FCRL5: variants seen among roughly 807,000 people sequenced by gnomAD.
The protein encoded by FCRL5 is Fc receptor like 5.
Under a neutral mutation model 92.1 loss-of-function variants are expected in FCRL5, and 79 were observed. That is an observed-to-expected ratio of 0.86 (90% CI 0.72 to 1.03). FCRL5 has a LOEUF of 1.03. FCRL5 is among the 50% of genes least tolerant of loss of function. The pLI, the probability that FCRL5 is intolerant of heterozygous loss-of-function variation, is 0.00. For missense variants in FCRL5, 1,160 were observed against 1,181.1 expected, an observed-to-expected ratio of 0.98 and a Z score of 0.26; for synonymous variants, 466 against 469.3, an observed-to-expected ratio of 0.99 and a Z score of 0.09.
intron 7 of FCRL5, among the ~76,000 whole-genome samples, chr1:157,535,282 A>G (rs1038108331): frequency 1.2e-4 from 18 of 152,218 alleles, no homozygotes; most frequent in African/African-American, 4.1e-4. Flanking sequence ...GGCCTGCCCA[A>G]GGGGGATTTT....
chr1:157,521,180 G>A lies in FCRL5; in HGVS notation c.2352C>T (p.Tyr784=), dbSNP rs1436105612. Residue 784 remains tyrosine (Y), a synonymous_variant, in exon 11 of 17, where the codon TAC becomes TAT. Transcript: ENST00000361835. ...GGGTGACATCCTCATGAAAAAACCGGTACAGGATCAGGGGAGAGCCTCTCA... is the reference window on the plus strand; with the variant it reads ...GGGTGACATCCTCATGAAAAAACCGATACAGGATCAGGGGAGAGCCTCTCA... ...EALRGSPLIL[Y]RFFHEDVTLG... 2.5e-6 allele frequency: 4 copies of A among 1,614,146 alleles called. No homozygotes were observed. The South Asian group carries it at 3.3e-5, about 13-fold the overall frequency.
rs766185827 is a variant in FCRL5, at chr1:157,534,799, C to T, written c.1496G>A (p.Gly499Asp). ...AAACTGGTATAGGATTTGTGGGGAACCTCTCTGGACTTCACAGTGAAGTGT... is the reference window on the plus strand; with the variant it reads ...AAACTGGTATAGGATTTGTGGGGAATCTCTCTGGACTTCACAGTGAAGTGT... ...TVTLHCEVQR[G>D]SPQILYQFYH... is the part of the protein sequence containing the mutation. The change falls in exon 8 of 17, where the codon GGT becomes GAT. Residue 499 changes from glycine (G) to aspartate (D), a missense_variant. Gly to Asp is a moderately conservative substitution (Grantham distance 94). Coordinates refer to ENST00000361835, the MANE Select transcript of FCRL5 (RefSeq NM_031281.3). The T allele has an allele frequency of 9.3e-6, 15 of 1,611,962 alleles. No homozygotes were observed. Among genetic ancestry groups the T allele is most frequent in the Non-Finnish European group, 1.3e-5 (15 of 1,178,942 alleles).
Position 157,543,135 on chromosome 1 carries a change from G to GAT in FCRL5, c.846_847insAT (p.Pro283IlefsTer16). On this transcript the variant is annotated frameshift_variant and splice_region_variant, in exon 6 of 17. Coordinates refer to ENST00000361835, the MANE Select transcript of FCRL5 (RefSeq NM_031281.3). LOFTEE classifies it high-confidence loss of function. ...AGAGTGAGGACAGGATGAGATGCAG[G>GAT]GACTGAGCAAGAGAAAAAATTAGTC... The GAT allele has an allele frequency of 6.2e-7, 1 of 1,612,448 alleles. No individual in the cohort carries two copies. Among genetic ancestry groups the GAT allele is most frequent in the Non-Finnish European group, 8.5e-7 (1 of 1,179,210 alleles).
At chr1:157,524,125 G>A (rs1040616136) in intron 10 of FCRL5, 154 bp downstream of exon 10, 45 of 699,210 alleles carry the variant, frequency 6.4e-5, no homozygotes, top group East Asian at 8.2e-5. Context: ...CAAAGGATCC[G>A]AGACTTTCAC....
At chr1:157,519,650 G>A in intron 13 of FCRL5, 93 bp downstream of exon 13, 1 of 1,411,128 alleles carries the variant, frequency 7.1e-7, no homozygotes. Flanking sequence ...GCACCTGGCA[G>A]AAACTGTGCT....
In FCRL5 at chr1:157,518,400, G is replaced by A. The variant is rs372207038; in HGVS notation, c.2812+29C>T. 15 of 1,588,082 alleles carry A rather than the reference G, an allele frequency of 9.4e-6. No individual in the cohort carries two copies. In the African/African-American group the frequency reaches 1.6e-4, roughly 17 times the overall value. On this transcript the variant is annotated intron_variant, in intron 15 of 16. Transcript: ENST00000361835. ...GCTATACTGTCTAAGTTGAGGGTGG[G>A]CCAGAACAGAGACATCCTTGGGTCT...
At chr1:157,528,581 T>C (rs1650547065) in intron 8 of FCRL5, 1 of 152,232 alleles carries the variant, frequency 6.6e-6, no homozygotes, top group Admixed American at 6.5e-5. Context: ...AAGGCTATAG[T>C]TACCAGAACA....
intron 8 of FCRL5, chr1:157,534,245 C>G: frequency 3.1e-6 from 2 of 638,716 alleles, no homozygotes; most frequent in South Asian, 3.1e-5. Flanking sequence ...AATTTAAGGT[C>G]TTGACCAATA....
At chr1:157,548,195 C>T (rs1336153281) in intron 2 of FCRL5, among the ~76,000 whole-genome samples, 1 of 152,252 alleles carries the variant, frequency 6.6e-6, no homozygotes, top group Admixed American at 6.5e-5. Context: ...TCACCCCTTC[C>T]CCCAGGGAGG....
chr1:157,534,609 C>T lies in FCRL5; in HGVS notation c.1681+5G>A, dbSNP rs370213739. 2 of 1,614,166 alleles carry T rather than the reference C, an allele frequency of 1.2e-6. No homozygotes were observed. Among genetic ancestry groups the T allele is most frequent in the Middle Eastern group, 1.6e-4 (1 of 6,062 alleles). On this transcript the variant is annotated splice_donor_5th_base_variant and intron_variant, in intron 8 of 16. Coordinates refer to ENST00000361835, the MANE Select transcript of FCRL5 (RefSeq NM_031281.3). ...GTGGGTGACTGGCAAGAACCCAGCA[C>T]TTACCAGTGACAAAAAGGCTCACCA...
chr1:157,537,691 G>T (rs1205965808), intron 7 of FCRL5, among the ~76,000 whole-genome samples: 2 of 152,090 alleles, frequency 1.3e-5, no homozygotes, highest in East Asian at 3.8e-4. Context: ...GGAACCTGCC[G>T]ACATGTGATG....
At chr1:157,519,104 G>A (rs1374949124) in intron 13 of FCRL5, 3 of 219,528 alleles carry the variant, frequency 1.4e-5, no homozygotes, top group South Asian at 9.2e-5. Flanking sequence ...AACCAGAAAG[G>A]GGATGAGCCA....
In FCRL5 at chr1:157,515,414, T is replaced by C. The variant is rs571648781; in HGVS notation, c.*261A>G. ...ACCACAGCTGAAGCCCACTAAGGAA[T>C]CCAGGAGATGTGCTGGGCCCTGGAG... On this transcript the variant is annotated 3_prime_UTR_variant, in exon 17 of 17. Coordinates refer to ENST00000361835, the MANE Select transcript of FCRL5 (RefSeq NM_031281.3). The C allele has an allele frequency of 1.8e-6, 1 of 565,136 alleles. No homozygotes were observed. Among genetic ancestry groups the C allele is most frequent in the Admixed American group, 3.2e-5 (1 of 31,740 alleles). 35.0% of individuals were successfully genotyped at this position (565,136 alleles called of 1,614,324 possible).
chr1:157,521,437 C>T (rs1331364572), intron 10 of FCRL5, 145 bp from the exon 11 acceptor site: 1 of 973,098 alleles, frequency 1.0e-6, no homozygotes, highest in Non-Finnish European at 1.5e-6. Context: ...TTACTTTGAC[C>T]TGCTAATAGT....
chr1:157,543,409 T>G (rs1015040680), intron 5 of FCRL5, among the ~76,000 whole-genome samples: 2 of 152,244 alleles, frequency 1.3e-5, no homozygotes, highest in African/African-American at 4.8e-5. Context: ...TATTTGCCAT[T>G]GCTAGTTTTT....
chr1:157,536,062 C>T (rs1018126662), intron 7 of FCRL5, among the ~76,000 whole-genome samples: 3 of 150,574 alleles, frequency 2.0e-5, no homozygotes, highest in African/African-American at 7.3e-5. Flanking sequence ...CTGCATCAGC[C>T]TCCTGAGTAG....
intron 1 of FCRL5, 40 bp downstream of exon 1, chr1:157,552,292 C>T (rs1651855937): frequency 3.1e-6 from 5 of 1,609,584 alleles, no homozygotes; most frequent in Middle Eastern, 3.3e-4. Context: ...AGAAGCTGTC[C>T]CGATCCCACC....
At chr1:157,543,433 C>G (rs1435178177) in intron 5 of FCRL5, among the ~76,000 whole-genome samples, 1 of 152,192 alleles carries the variant, frequency 6.6e-6, no homozygotes, top group Non-Finnish European at 1.5e-5. Context: ...TAAAGATTAG[C>G]ATAGTCTTCT....
Position 157,539,263 on chromosome 1 carries a change from G to T in FCRL5, c.1225C>A (p.Pro409Thr). The T allele has an allele frequency of 1.2e-6, 2 of 1,614,192 alleles. No individual in the cohort carries two copies. The highest frequency in any genetic ancestry group is 2.2e-5 in the South Asian group (2 of 91,082). Residue 409 changes from proline (P) to threonine (T), a missense_variant, in exon 7 of 17, where the codon CCC becomes ACC. Coordinates refer to ENST00000361835, the MANE Select transcript of FCRL5 (RefSeq NM_031281.3). ...LHCEAQRGSL[P>T]ILYQFHHEGA... ...TCATGATGAAACTGGTACAGGATGG[G>T]GAGTGAACCTCTCTGGGCTTCACAG...
Sources: gnomAD v4.1 joint callset for allele counts (sites outside exome capture counted in the v4.1 genomes callset) on GRCh38, gnomAD v4.1.1 for gene constraint, MANE v1.5 for transcripts, NCBI Gene and HGNC (gene_info 2026-07-23, HGNC 2026-07-21) for gene names.